Variants in MTARC2 observed in about 807,000 individuals in gnomAD.
MTARC2 encodes the protein MOCO sulphurase C-terminal domain containing 2.
In MTARC2, 27 loss-of-function variants were observed where a neutral mutation model predicts 35.6. The ratio of observed to expected loss-of-function variants is 0.76; its 90% confidence interval spans 0.56 to 1.04. The LOEUF is 1.04. MTARC2 is among the 50% of genes least tolerant of loss of function. MTARC2 has a pLI of 0.00. For synonymous variants in MTARC2, 158 were observed against 167.1 expected, an observed-to-expected ratio of 0.95 and a Z score of 0.42; for missense variants, 412 against 432.5, an observed-to-expected ratio of 0.95 and a Z score of 0.42.
chr1:220,779,877 C>A, intron 4 of MTARC2, 141 bp from the exon 5 acceptor site: 1 of 596,708 alleles, frequency 1.7e-6, no homozygotes, highest in Non-Finnish European at 2.7e-6. Flanking sequence ...CCTTTGAGTC[C>A]TCTGGGAGAT....
rs1239021281 is a variant in MTARC2, at chr1:220,761,718, C to G, written c.507C>G (p.Thr169=). ...DCGNEAAKWF[T]NFLKTEAYRL... is the part of the protein sequence containing the mutation. ...GCAATGAGGCAGCTAAGTGGTTCAC[C>G]AACTTCTTGAAAACTGAAGCGTATA... Residue 169 remains threonine, a synonymous_variant, in exon 3 of 8, where the codon ACC becomes ACG. Coordinates refer to ENST00000366913, the MANE Select transcript of MTARC2 (RefSeq NM_017898.5). The G allele has an allele frequency of 1.9e-6, 3 of 1,613,970 alleles. No homozygotes were observed. Among genetic ancestry groups the G allele is most frequent in the African/African-American group, 1.3e-5 (1 of 74,912 alleles).
chr1:220,752,524 G>A (rs957058362), intron 1 of MTARC2, among the ~76,000 whole-genome samples: 1 of 152,200 alleles, frequency 6.6e-6, no homozygotes, highest in African/African-American at 2.4e-5. Context: ...CCCAGGATGA[G>A]TGAGCCAGAG....
intron 2 of MTARC2, among the ~76,000 whole-genome samples, chr1:220,757,475 T>G (rs1487996697): frequency 2.6e-5 from 4 of 152,218 alleles, no homozygotes; most frequent in Non-Finnish European, 5.9e-5. Flanking sequence ...GTTTAGCTAG[T>G]GCCAGCTGCT....
chr1:220,758,058 C>T lies in MTARC2; in HGVS notation c.446+2938C>T, dbSNP rs115153957. On this transcript the variant is annotated intron_variant, in intron 2 of 7. Coordinates refer to ENST00000366913, the MANE Select transcript of MTARC2 (RefSeq NM_017898.5). The stretch of plus-strand genomic sequence containing the variant: ...GGAGTGCAGTGGCGCGATCTCAACT[C>T]GCTGTAACCTCTGCCTCCTGGGTTC... Among the ~76,000 whole-genome samples, 1,160 of 152,220 alleles carry T rather than the reference C, an allele frequency of 7.6e-3. 21 individuals are homozygous for T. The highest frequency in any genetic ancestry group is 0.027 in the African/African-American group (1,116 of 41,534).
intron 1 of MTARC2, among the ~76,000 whole-genome samples, chr1:220,753,244 A>AG (rs961701828): frequency 6.6e-6 from 1 of 152,014 alleles, no homozygotes; most frequent in Non-Finnish European, 1.5e-5. Context: ...AAAGAAAAAA[A>AG]AAAGAAAGAA....
Position 220,748,655 on chromosome 1 carries a change from C to T in MTARC2, c.124C>T (p.Arg42Cys), listed in dbSNP as rs769610751. ...GGCCCTGGGGACTGTCGCCTGGCGCCGCGCATGGCCCAGGCGGCGCCGGCG... is the reference window on the plus strand; with the variant it reads ...GGCCCTGGGGACTGTCGCCTGGCGCTGCGCATGGCCCAGGCGGCGCCGGCG... Reference protein sequence around the residue: ...AVALGTVAWRRAWPRRRRRLQ... With the variant: ...AVALGTVAWRCAWPRRRRRLQ... Residue 42 changes from arginine to cysteine, a missense_variant, in exon 1 of 8, where the codon CGC becomes TGC. By Grantham distance (180) the Arg-to-Cys change is radical. Coordinates refer to ENST00000366913, the MANE Select transcript of MTARC2 (RefSeq NM_017898.5). 1.9e-6 allele frequency: 3 copies of T among 1,552,996 alleles called. No homozygotes were observed. The highest frequency in any genetic ancestry group is 2.4e-5 in the South Asian group (2 of 84,790).
intron 4 of MTARC2, among the ~76,000 whole-genome samples, chr1:220,768,313 C>T (rs940333944): frequency 2.0e-5 from 3 of 152,226 alleles, no homozygotes; most frequent in Non-Finnish European, 2.9e-5. Flanking sequence ...GCAAAACTCT[C>T]TTATGTGTAC....
rs894771167 is a variant in MTARC2 at position 220,748,906 on chromosome 1, C to T, written c.272+103C>T. The T allele has an allele frequency of 2.3e-6, 3 of 1,332,774 alleles. No individual in the cohort carries two copies. The East Asian group carries it at 9.2e-5, about 41-fold the overall frequency. 82.6% of individuals were successfully genotyped at this position (1,332,774 alleles called of 1,614,324 possible). On this transcript the variant is annotated intron_variant, in intron 1 of 7. Transcript: ENST00000366913. ...ATCTGGGAAGGACTATAGAGGTTTG[C>T]CACCTGAGTTTCTGGGCTGACTGTT...
intron 4 of MTARC2, among the ~76,000 whole-genome samples, chr1:220,774,052 G>A (rs1355250010): frequency 6.7e-6 from 1 of 149,666 alleles, no homozygotes; most frequent in Non-Finnish European, 1.5e-5. Context: ...AGTGTTAATA[G>A]ATATAGACTC....
chr1:220,763,415 G>C (rs1383328556), intron 4 of MTARC2, among the ~76,000 whole-genome samples: 1 of 152,174 alleles, frequency 6.6e-6, no homozygotes, highest in African/African-American at 2.4e-5. Flanking sequence ...AGCTCTCAAA[G>C]ATTTGAGACT....
chr1:220,763,099 G>A (rs777367156), intron 4 of MTARC2, 49 bp downstream of exon 4: 79 of 1,613,536 alleles, frequency 4.9e-5, no homozygotes, highest in Non-Finnish European at 6.4e-5. Context: ...TGCTGCTCGC[G>A]GTGCTAAGGG....
chr1:220,763,143 C>T, intron 4 of MTARC2, 93 bp downstream of exon 4: 1 of 1,549,890 alleles, frequency 6.5e-7, no homozygotes, highest in Non-Finnish European at 8.9e-7. Flanking sequence ...CTCAGATCCG[C>T]CAGGGTCCAG....
chr1:220,750,040 A>G (rs189592436), intron 1 of MTARC2, among the ~76,000 whole-genome samples: 2 of 152,206 alleles, frequency 1.3e-5, no homozygotes, highest in South Asian at 2.1e-4. Context: ...AGCTTTTTCA[A>G]CTATAACTTC....
At position 220,751,430 on chromosome 1, in the gene MTARC2, T is replaced by C. The variant is rs144131897; in HGVS notation, c.272+2627T>C. On this transcript the variant is annotated intron_variant, in intron 1 of 7. Transcript: ENST00000366913. The stretch of plus-strand genomic sequence containing the variant: ...GCCATATGTGAGTTGATCAGTTTTA[T>C]CTCTCTAAACCCTTACTGAAGCCAG... Among the ~76,000 whole-genome samples, 19 of 152,268 alleles carry C rather than the reference T, an allele frequency of 1.2e-4. No individual in the cohort carries two copies. The East Asian group carries it at 1.5e-3, about 12-fold the overall frequency.
chr1:220,779,216 T>A (rs1671998786), intron 4 of MTARC2, among the ~76,000 whole-genome samples: 1 of 152,182 alleles, frequency 6.6e-6, no homozygotes, highest in African/African-American at 2.4e-5. Flanking sequence ...ATATTATATA[T>A]ATAATACAAT....
In MTARC2 at chr1:220,748,652, C is replaced by T. The variant is rs745874324; in HGVS notation, c.121C>T (p.Arg41Cys). 1 of 1,547,796 alleles carries T rather than the reference C, an allele frequency of 6.5e-7. No individual in the cohort carries two copies. The change falls in exon 1 of 8, where the codon CGC (arginine) becomes TGC (cysteine). Residue 41 changes from arginine (R) to cysteine (C), a missense_variant. Arg to Cys is a radical substitution (Grantham distance 180, BLOSUM62 -3). Transcript: ENST00000366913. ...CGTGGCCCTGGGGACTGTCGCCTGG[C>T]GCCGCGCATGGCCCAGGCGGCGCCG... ...AAVALGTVAW[R>C]RAWPRRRRRL...
In MTARC2 at chr1:220,761,765, A is replaced by G; in HGVS notation, c.554A>G (p.Asn185Ser). The part of the protein sequence containing the change: ...EAYRLVQFET[N>S]MKGRTSRKLL... ...TATAGATTGGTTCAATTTGAGACAAACATGAAGGGAAGAACATCAAGAAAA... is the reference window on the plus strand; with the variant it reads ...TATAGATTGGTTCAATTTGAGACAAGCATGAAGGGAAGAACATCAAGAAAA... Residue 185 changes from asparagine (N) to serine (S), a missense_variant, in exon 3 of 8, where the codon AAC becomes AGC. By Grantham distance (46) the Asn-to-Ser change is conservative (BLOSUM62 1). Coordinates refer to ENST00000366913, the MANE Select transcript of MTARC2 (RefSeq NM_017898.5). 6.2e-7 allele frequency: 1 copy of G among 1,613,746 alleles called. No homozygotes were observed. The highest frequency in any genetic ancestry group is 8.5e-7 in the Non-Finnish European group (1 of 1,179,950).
chr1:220,764,116 G>C (rs1330552901), intron 4 of MTARC2, among the ~76,000 whole-genome samples: 2 of 149,330 alleles, frequency 1.3e-5, no homozygotes, highest in Non-Finnish European at 3.0e-5. Flanking sequence ...TTTTTTGAGA[G>C]AGAGTCTCGC....
chr1:220,753,424 C>T (rs1438503167), intron 1 of MTARC2, among the ~76,000 whole-genome samples: 1 of 152,062 alleles, frequency 6.6e-6, no homozygotes, highest in African/African-American at 2.4e-5. Flanking sequence ...GGTGTGGTTG[C>T]GGGGAAGGGA....
Sources: allele counts gnomAD v4.1 joint callset (sites outside exome capture counted in the v4.1 genomes callset), GRCh38; gene constraint gnomAD v4.1.1; transcripts MANE v1.5; gene names NCBI Gene and HGNC (gene_info 2026-07-23, HGNC 2026-07-21).